The following BEND3 variants were observed in gnomAD, a reference collection of about 807,000 sequenced individuals.
BEND3 encodes the protein BEN domain containing 3, also known as BEN domain-containing protein 3.
Under a neutral mutation model 60.1 loss-of-function variants are expected in BEND3, and 13 were observed. The ratio of observed to expected loss-of-function variants is 0.22; its 90% confidence interval spans 0.14 to 0.34. BEND3 has a LOEUF of 0.34. Ranked by LOEUF, BEND3 falls within the 10% of genes least tolerant of loss-of-function variation. BEND3 has a pLI of 1.00. For missense variants in BEND3, 896 were observed against 1,138.1 expected, an observed-to-expected ratio of 0.79 and a Z score of 3.06; for synonymous variants, 497 against 491.5, an observed-to-expected ratio of 1.01 and a Z score of -0.15.
At position 107,099,274 on chromosome 6, in the gene BEND3, A is replaced by T. The variant is rs781936245; in HGVS notation, c.12T>A (p.Thr4=). The change falls in exon 2 of 4, where the codon ACT becomes ACA. Residue 4 remains threonine, a synonymous_variant. Transcript: ENST00000369042. Reference sequence around the variant, plus strand: ...CTTCTTCTACATCTTCGGTGAATTCAGTTGAGTTCATCTTCTATTCCGCTA... The same window carrying T: ...CTTCTTCTACATCTTCGGTGAATTCTGTTGAGTTCATCTTCTATTCCGCTA... The part of the protein sequence containing the change: MNS[T]EFTEDVEEVL... 3.1e-6 allele frequency: 5 copies of T among 1,611,170 alleles called. No individual in the cohort carries two copies. In the Admixed American group the frequency reaches 8.4e-5, roughly 27 times the overall value.
rs1212712687 is a variant in BEND3 at position 107,069,226 on chromosome 6, C to G, written c.1965G>C (p.Gln655His). ...CCGGCACGTGGACCTTGCGCTGCTG[C>G]TGGTAGGAGCGCCTTTGCTCCGTGT... is the stretch of plus-strand genomic sequence containing the variant. ...RRDTEQRRSY[Q>H]QQRKVHVPGP... The change falls in exon 4 of 4, where the codon CAG (glutamine) becomes CAC (histidine). Residue 655 changes from glutamine to histidine, a missense_variant. By Grantham distance (24) the Gln-to-His change is conservative. This residue lies in a region of BEND3 where 846 missense variants were observed against 1,036.7 expected (regional missense o/e 0.82). Coordinates refer to ENST00000369042, the MANE Select transcript of BEND3 (RefSeq NM_001367314.1). 10 of 1,611,866 alleles carry G rather than the reference C, an allele frequency of 6.2e-6. No individual in the cohort carries two copies. The African/African-American group carries it at 8.0e-5, about 13-fold the overall frequency.
Position 107,068,450 on chromosome 6 carries a change from C to G in BEND3, c.*254G>C. The G allele has an allele frequency of 2.1e-6, 1 of 469,792 alleles. No homozygotes were observed. Among genetic ancestry groups the G allele is most frequent in the Non-Finnish European group, 3.8e-6 (1 of 265,324 alleles). The allele number at this position is 469,792 out of a possible 1,614,324, so 29.1% of individuals were successfully genotyped here. On this transcript the variant is annotated 3_prime_UTR_variant, in exon 4 of 4. Coordinates refer to ENST00000369042, the MANE Select transcript of BEND3 (RefSeq NM_001367314.1). The surrounding 1 kb of genome is among the most constrained non-coding windows in gnomAD (Gnocchi z 5.8). ...TAACCTCTGGTCCCTGCCCTCACAG[C>G]TTGCTCTCCCCACACTCAGGCTGCC...
At chr6:107,114,286 C>G (rs9486526) in intron 1 of BEND3, 10 of 152,280 alleles carry the variant, frequency 6.6e-5, no homozygotes, top group South Asian at 2.1e-4. Context: ...CAGGCTTCAG[C>G]TTTGCGGCCG....
At chr6:107,102,237 G>A (rs1440272912) in intron 1 of BEND3, among the ~76,000 whole-genome samples, 1 of 152,210 alleles carries the variant, frequency 6.6e-6, no homozygotes, top group African/African-American at 2.4e-5. Context: ...CCATCACATA[G>A]GGAGCAGTGC....
chr6:107,070,147 G>T lies in BEND3; in HGVS notation c.1044C>A (p.Ser348Arg), dbSNP rs1232603628. The change falls in exon 4 of 4, where the codon AGC becomes AGA. Residue 348 changes from serine (S) to arginine (R), a missense_variant. This residue lies in a region of BEND3 where 846 missense variants were observed against 1,036.7 expected (regional missense o/e 0.82). Coordinates refer to ENST00000369042, the MANE Select transcript of BEND3 (RefSeq NM_001367314.1). The surrounding 1 kb of genome is among the most constrained non-coding windows in gnomAD (Gnocchi z 6.9). Reference protein sequence around the residue: ...RFWAQREMEDSQPSGQVASFF... With the variant: ...RFWAQREMEDRQPSGQVASFF... ...AGCTGGCGACCTGGCCGCTGGGCTG[G>T]CTGTCCTCCATTTCCCGCTGGGCCC... The T allele has an allele frequency of 6.2e-7, 1 of 1,613,016 alleles. No homozygotes were observed. Among genetic ancestry groups the T allele is most frequent in the Admixed American group, 1.7e-5 (1 of 60,026 alleles).
intron 3 of BEND3, among the ~76,000 whole-genome samples, chr6:107,093,327 G>C (rs1554235495): frequency 6.6e-6 from 1 of 152,104 alleles, no homozygotes; most frequent in African/African-American, 2.4e-5. Context: ...CGGGCGTGGT[G>C]GTGGGTGCCT....
intron 3 of BEND3, among the ~76,000 whole-genome samples, chr6:107,090,116 A>G (rs1370420382): frequency 6.6e-6 from 1 of 152,106 alleles, no homozygotes; most frequent in East Asian, 1.9e-4. Context: ...TGGGAGGCCA[A>G]GGCAGACAGA....
At chr6:107,097,916 A>G (rs1775621597) in intron 3 of BEND3, among the ~76,000 whole-genome samples, 2 of 152,022 alleles carry the variant, frequency 1.3e-5, no homozygotes, top group Non-Finnish European at 2.9e-5. Context: ...TCTCATCATT[A>G]TGCAAATTAA....
At chr6:107,100,000 G>T (rs1278378409) in intron 1 of BEND3, among the ~76,000 whole-genome samples, 1 of 151,732 alleles carries the variant, frequency 6.6e-6, no homozygotes, top group Non-Finnish European at 1.5e-5. Flanking sequence ...CTCTAGAATG[G>T]CTAGGACTAC....
At chr6:107,113,881 T>A (rs1770187842) in intron 1 of BEND3, 1 of 152,234 alleles carries the variant, frequency 6.6e-6, no homozygotes, top group Non-Finnish European at 1.5e-5. Context: ...GTTCCTTACC[T>A]CAGTTTCCTG....
rs144303908 is a variant in BEND3, at chr6:107,085,144, G to A, written c.240+13407C>T. Among the ~76,000 whole-genome samples, 1,070 of 152,238 alleles carry A rather than the reference G, an allele frequency of 7.0e-3. 24 individuals are homozygous for A. The highest frequency in any genetic ancestry group is 0.025 in the African/African-American group (1,022 of 41,524). On this transcript the variant is annotated intron_variant, in intron 3 of 3. Coordinates refer to ENST00000369042, the MANE Select transcript of BEND3 (RefSeq NM_001367314.1). ...CTTTAAGAGCTGTAACACTCACTGC[G>A]AAGGTCTGCGGCTTCACTCCTGAAG...
intron 3 of BEND3, among the ~76,000 whole-genome samples, chr6:107,073,471 T>C (rs1340434412): frequency 2.0e-5 from 3 of 151,838 alleles, no homozygotes; most frequent in African/African-American, 7.3e-5. Flanking sequence ...GGTTGTGCGA[T>C]GGGACCACGT....
rs781913076 is a variant in BEND3, at chr6:107,068,710, C to T, written c.2481G>A (p.Glu827=). Residue 827 remains glutamate (E), a synonymous_variant, in exon 4 of 4, where the codon GAG becomes GAA. Coordinates refer to ENST00000369042, the MANE Select transcript of BEND3 (RefSeq NM_001367314.1). The surrounding 1 kb of genome is among the most constrained non-coding windows in gnomAD (Gnocchi z 5.8). ...CDILKKAKKV[E]K is the part of the protein sequence containing the mutation. Reference sequence around the variant, plus strand: ...CTGGGCAGGTCACGGGCCTTCACTTCTCCACTTTCTTTGCTTTCTTGAGGA... The same window carrying T: ...CTGGGCAGGTCACGGGCCTTCACTTTTCCACTTTCTTTGCTTTCTTGAGGA... 4.3e-6 allele frequency: 7 copies of T among 1,612,690 alleles called. No homozygotes were observed. The highest frequency in any genetic ancestry group is 5.9e-6 in the Non-Finnish European group (7 of 1,179,610).
rs1394985035 is a variant in BEND3 at position 107,098,508 on chromosome 6, G to C, written c.240+43C>G. Reference sequence around the variant, plus strand: ...GGGAGATTCAGCATGGAATCAGAGAGGGTTAGAGCCCAAGCAAAGAGTGAC... The same window carrying C: ...GGGAGATTCAGCATGGAATCAGAGACGGTTAGAGCCCAAGCAAAGAGTGAC... On this transcript the variant is annotated intron_variant, in intron 3 of 3. Coordinates refer to ENST00000369042, the MANE Select transcript of BEND3 (RefSeq NM_001367314.1). The C allele has an allele frequency of 2.3e-5, 36 of 1,589,066 alleles. 1 individual carries two copies. Among genetic ancestry groups the C allele is most frequent in the Non-Finnish European group, 2.7e-5 (32 of 1,165,378 alleles).
chr6:107,074,245 A>G (rs1775052343), intron 3 of BEND3, among the ~76,000 whole-genome samples: 1 of 152,096 alleles, frequency 6.6e-6, no homozygotes, highest in Admixed American at 6.6e-5. Context: ...GTGAAACCCC[A>G]TCTCTACTAA....
At chr6:107,092,785 T>C (rs1554235435) in intron 3 of BEND3, among the ~76,000 whole-genome samples, 1 of 152,188 alleles carries the variant, frequency 6.6e-6, no homozygotes, top group Non-Finnish European at 1.5e-5. Context: ...GGTTGTAGTA[T>C]ACAAGGTTAC....
rs551649645 is a variant in BEND3, at chr6:107,082,990, C to T, written c.241-12040G>A. On this transcript the variant is annotated intron_variant, in intron 3 of 3. Coordinates refer to ENST00000369042, the MANE Select transcript of BEND3 (RefSeq NM_001367314.1). ...ACTTCCAGCATAACCCTCTAGGAAT[C>T]TAACCTACAGAAACACTCATACAGT... 3.3e-5 allele frequency among the ~76,000 whole-genome samples: 5 copies of T among 152,306 alleles called. No individual in the cohort carries two copies. In the East Asian group the frequency reaches 9.7e-4, roughly 29 times the overall value.
At chr6:107,089,886 C>G (rs1554234916) in intron 3 of BEND3, among the ~76,000 whole-genome samples, 1 of 151,482 alleles carries the variant, frequency 6.6e-6, no homozygotes, top group African/African-American at 2.4e-5. Flanking sequence ...TGAGCCACTG[C>G]GCCTGGCCAC....
chr6:107,114,715 C>A (rs1260648184), intron 1 of BEND3, among the ~76,000 whole-genome samples: 1 of 146,542 alleles, frequency 6.8e-6, no homozygotes, highest in Admixed American at 6.8e-5. Context: ...GGTGCGGGGC[C>A]GGCGCGCGGC....
Sources: gnomAD v4.1 joint callset for allele counts (sites outside exome capture counted in the v4.1 genomes callset) on GRCh38, gnomAD v4.1.1 for gene constraint, gnomAD v4.1.1 regional missense constraint, Gnocchi (gnomAD v3.1) non-coding constraint, MANE v1.5 for transcripts, NCBI Gene and HGNC (gene_info 2026-07-23, HGNC 2026-07-21) for gene names.